HS3ST3A1: variants seen among roughly 807,000 people sequenced by gnomAD.
HS3ST3A1 encodes the protein heparan sulfate glucosamine 3-O-sulfotransferase 3A1.
A neutral mutation model predicts 25.7 loss-of-function variants in HS3ST3A1; 19 were observed. That is an observed-to-expected ratio of 0.74 (90% CI 0.52 to 1.08). The LOEUF (loss-of-function observed/expected upper bound fraction) is 1.08. HS3ST3A1 is among the 50% of genes least tolerant of loss of function. HS3ST3A1 has a pLI of 0.00. For synonymous variants in HS3ST3A1, 226 were observed against 278.6 expected (o/e 0.81, Z 1.88); for missense variants, 459 against 594.3 (o/e 0.77, Z 2.37).
At position 13,534,547 on chromosome 17, in the gene HS3ST3A1, CAAAAAAAAAAAAAA is replaced by C. The variant is rs34383911; in HGVS notation, c.600-37743_600-37730del. 6.5e-3 allele frequency among the ~76,000 whole-genome samples: 213 copies of C among 32,840 alleles called. 4 individuals are homozygous for C. Among genetic ancestry groups the C allele is most frequent in the African/African-American group, 0.017 (181 of 10,624 alleles). The allele number at this position is 32,840 out of a possible 152,430, so 21.5% of individuals were successfully genotyped here. ...GGTGAAACTTCATCTCTACAAAATCCAAAAAAAAAAAAAAAAAAAAAAAAAAAAAAGTTAGCCGG... is the reference window on the plus strand; with the variant it reads ...GGTGAAACTTCATCTCTACAAAATCCAAAAAAAAAAAAAAAAGTTAGCCGG... On this transcript the variant is annotated intron_variant, in intron 1 of 1. Coordinates refer to ENST00000284110, the MANE Select transcript of HS3ST3A1 (RefSeq NM_006042.3).
chr17:13,537,946 T>C (rs1431505874), intron 1 of HS3ST3A1, among the ~76,000 whole-genome samples: 1 of 152,226 alleles, frequency 6.6e-6, no homozygotes, highest in Middle Eastern at 3.2e-3. Context: ...AGCTTTGGTG[T>C]TTTCTTAGGT....
At chr17:13,506,773 G>A (rs1905689171) in intron 1 of HS3ST3A1, among the ~76,000 whole-genome samples, 1 of 152,014 alleles carries the variant, frequency 6.6e-6, no homozygotes, top group Non-Finnish European at 1.5e-5. Context: ...TCAAAGTCAG[G>A]AGGCCGGGAG....
chr17:13,534,547 C>CAAAAAAAAAAAAAAAAA (rs34383911), intron 1 of HS3ST3A1, among the ~76,000 whole-genome samples: 9 of 32,828 alleles, frequency 2.7e-4, no homozygotes, highest in Non-Finnish European at 4.1e-4. Context: ...CTACAAAATC[C>CAAAAAAAAAAAAAAAAA]AAAAAAAAAA....
At chr17:13,502,376 C>A (rs1174750624) in intron 1 of HS3ST3A1, among the ~76,000 whole-genome samples, 1 of 152,196 alleles carries the variant, frequency 6.6e-6, no homozygotes, top group African/African-American at 2.4e-5. Flanking sequence ...AAGCCAAGCA[C>A]TCTAGCACTG....
chr17:13,571,000 T>A (rs1297873268), intron 1 of HS3ST3A1, among the ~76,000 whole-genome samples: 1 of 152,190 alleles, frequency 6.6e-6, no homozygotes, highest in African/African-American at 2.4e-5. Context: ...GAGAGGCCTG[T>A]TGTTACCAAG....
chr17:13,597,638 T>G (rs936071375), intron 1 of HS3ST3A1, among the ~76,000 whole-genome samples: 1 of 152,232 alleles, frequency 6.6e-6, no homozygotes, highest in Admixed American at 6.5e-5. Context: ...TTTTATTTAT[T>G]TTAGAGAAAG....
At chr17:13,579,987 T>C (rs1054231201) in intron 1 of HS3ST3A1, among the ~76,000 whole-genome samples, 3 of 141,964 alleles carry the variant, frequency 2.1e-5, no homozygotes, top group African/African-American at 7.8e-5. Context: ...ATTATACATA[T>C]ACTATGATCT....
intron 1 of HS3ST3A1, among the ~76,000 whole-genome samples, chr17:13,520,710 G>A (rs1005875870): frequency 3.3e-5 from 5 of 151,912 alleles, no homozygotes; most frequent in Non-Finnish European, 7.4e-5. Context: ...CACCTCCTGG[G>A]TTCAAGCGAT....
intron 1 of HS3ST3A1, among the ~76,000 whole-genome samples, chr17:13,556,529 A>AAAATAAAATAAAATC (rs1907380568): frequency 1.3e-5 from 2 of 150,672 alleles, no homozygotes; most frequent in African/African-American, 4.9e-5. Flanking sequence ...AAAATAAAAG[A>AAAATAAAATAAAATC]AAATAAAATA....
intron 1 of HS3ST3A1, among the ~76,000 whole-genome samples, chr17:13,516,086 G>A (rs8069692): frequency 0.017 from 2,653 of 152,144 alleles, 68 homozygotes; most frequent in African/African-American, 0.06. Flanking sequence ...CGAAGCGGGC[G>A]AATCACGAGG....
rs1598438725 is a variant in HS3ST3A1, at chr17:13,601,030, TG to T, written c.99del (p.Thr34ArgfsTer127). 4 of 1,594,508 alleles carry T rather than the reference TG, an allele frequency of 2.5e-6. No homozygotes were observed. In the East Asian group the frequency reaches 9.2e-5, roughly 37 times the overall value. ...RKFLLMLCSL[L>X]TSLYVFYCLA... ...AGGCAGTAGAAGACGTAAAGGGACG[TG>T]AGCAGGGAGCAGAGCATCAGCAAGA... On this transcript the variant is annotated frameshift_variant, in exon 1 of 2. Transcript: ENST00000284110. LOFTEE classifies it high-confidence loss of function.
At chr17:13,557,875 C>T (rs945165908) in intron 1 of HS3ST3A1, among the ~76,000 whole-genome samples, 3 of 152,150 alleles carry the variant, frequency 2.0e-5, no homozygotes, top group African/African-American at 7.2e-5. Flanking sequence ...TCATCGTTAA[C>T]AAAATTGCTG....
chr17:13,571,342 A>C (rs1219659863), intron 1 of HS3ST3A1, among the ~76,000 whole-genome samples: 3 of 152,216 alleles, frequency 2.0e-5, no homozygotes, highest in Non-Finnish European at 4.4e-5. Flanking sequence ...TCTATAAATT[A>C]TGTGTGTCTG....
intron 1 of HS3ST3A1, among the ~76,000 whole-genome samples, chr17:13,590,721 A>T (rs1472787012): frequency 6.6e-6 from 1 of 152,228 alleles, no homozygotes; most frequent in Admixed American, 6.5e-5. Flanking sequence ...TTAGACAAAC[A>T]TTATTAATAA....
In HS3ST3A1 at chr17:13,496,175, T is replaced by TTG. The variant is rs755906914; in HGVS notation, c.*21_*22insCA. 5 of 1,544,168 alleles carry TTG rather than the reference T, an allele frequency of 3.2e-6. No homozygotes were observed. In the South Asian group the frequency reaches 6.3e-5, roughly 20 times the overall value. On this transcript the variant is annotated 3_prime_UTR_variant, in exon 2 of 2. Coordinates refer to ENST00000284110, the MANE Select transcript of HS3ST3A1 (RefSeq NM_006042.3). ...AAAAATATATTATATTTTGATTTTT[T>TTG]TTTTCTTTTTAAATTATATGGTTAT...
chr17:13,531,345 C>T (rs1020165527), intron 1 of HS3ST3A1, among the ~76,000 whole-genome samples: 1 of 152,180 alleles, frequency 6.6e-6, no homozygotes, highest in African/African-American at 2.4e-5. Context: ...ATCACCTTCC[C>T]TTTCATCAGA....
intron 1 of HS3ST3A1, among the ~76,000 whole-genome samples, chr17:13,537,414 C>G (rs972282938): frequency 6.6e-6 from 1 of 152,212 alleles, no homozygotes; most frequent in African/African-American, 2.4e-5. Flanking sequence ...TCCTTCCTTT[C>G]TCAGCTCCTC....
chr17:13,583,055 G>A (rs1908157362), intron 1 of HS3ST3A1, among the ~76,000 whole-genome samples: 1 of 152,194 alleles, frequency 6.6e-6, no homozygotes. Flanking sequence ...TGGGTATGAG[G>A]AAATCCACTG....
At chr17:13,574,479 G>A (rs1290403582) in intron 1 of HS3ST3A1, among the ~76,000 whole-genome samples, 2 of 151,450 alleles carry the variant, frequency 1.3e-5, no homozygotes, top group Admixed American at 1.3e-4. Flanking sequence ...AGCACTTTGG[G>A]AGGCTGAGAC....
Sources: allele counts gnomAD v4.1 joint callset (sites outside exome capture counted in the v4.1 genomes callset), GRCh38; gene constraint gnomAD v4.1.1; transcripts MANE v1.5; gene names NCBI Gene and HGNC (gene_info 2026-07-23, HGNC 2026-07-21).